The following CSMD1 variants were observed in gnomAD, a reference collection of about 807,000 sequenced individuals.
CSMD1 encodes the protein CUB and Sushi multiple domains 1.
In CSMD1, 213 loss-of-function variants were observed where a neutral mutation model predicts 417.5. That is an observed-to-expected ratio of 0.51 (90% CI 0.46 to 0.57). CSMD1 has a LOEUF of 0.57. Among genes scored for constraint, CSMD1 ranks in the 20% least tolerant of loss-of-function variants. The pLI is 0.00. For missense variants in CSMD1, 6,923 were observed against 4,529.7 expected (o/e 1.53, Z -15.17); for synonymous variants, 2,862 against 1,736.8 (o/e 1.65, Z -16.11).
At chr8:4,524,680 C>G (rs974321156) in intron 2 of CSMD1, among the ~76,000 whole-genome samples, 2 of 148,414 alleles carry the variant, frequency 1.3e-5, no homozygotes, top group African/African-American at 2.5e-5. Flanking sequence ...TCTCCTTAGA[C>G]AATAAATACG....
chr8:3,977,859 A>C lies in CSMD1; in HGVS notation c.818+20044T>G, dbSNP rs914000729. ...AAGTCACAAGAAATAACTAAGGAAA[A>C]TAGGCTGAGAATAAATTTAATAAAC... On this transcript the variant is annotated intron_variant, in intron 5 of 69. Transcript: ENST00000635120. 2.6e-5 allele frequency among the ~76,000 whole-genome samples: 4 copies of C among 152,228 alleles called. No homozygotes were observed. The East Asian group carries it at 7.7e-4, about 29-fold the overall frequency.
chr8:3,546,506 A>T (rs1159131880), intron 10 of CSMD1, among the ~76,000 whole-genome samples: 1 of 151,904 alleles, frequency 6.6e-6, no homozygotes. Context: ...ACCGCACTCC[A>T]GCCTGGTGAC....
chr8:4,457,246 T>C (rs1799543916), intron 2 of CSMD1, among the ~76,000 whole-genome samples: 2 of 152,132 alleles, frequency 1.3e-5, no homozygotes, highest in Non-Finnish European at 2.9e-5. Flanking sequence ...CTCAACCAAG[T>C]GGTTTTACCT....
intron 3 of CSMD1, among the ~76,000 whole-genome samples, chr8:4,256,414 A>C (rs184260180): frequency 4.6e-5 from 7 of 152,322 alleles, no homozygotes; most frequent in East Asian, 1.9e-4. Flanking sequence ...TTCTCCTCTG[A>C]AAATAGCACA....
chr8:3,490,592 C>G lies in CSMD1; in HGVS notation c.1448+3031G>C, dbSNP rs544214171. On this transcript the variant is annotated intron_variant, in intron 11 of 69. Coordinates refer to ENST00000635120, the MANE Select transcript of CSMD1 (RefSeq NM_033225.6). ...TGCATTATTTCATTTTTCTATTTCCCACAGGCTGGAAAAGTTTATTATACA... is the reference window on the plus strand; with the variant it reads ...TGCATTATTTCATTTTTCTATTTCCGACAGGCTGGAAAAGTTTATTATACA... Among the ~76,000 whole-genome samples, 157 of 152,128 alleles carry G rather than the reference C, an allele frequency of 1.0e-3. 1 individual carries two copies. Among genetic ancestry groups the G allele is most frequent in the African/African-American group, 3.4e-3 (143 of 41,504 alleles).
At chr8:3,688,122 C>G (rs751324890) in intron 7 of CSMD1, among the ~76,000 whole-genome samples, 2 of 152,150 alleles carry the variant, frequency 1.3e-5, no homozygotes, top group Non-Finnish European at 2.9e-5. Flanking sequence ...TTATCTGCTT[C>G]GAAGTAATTG....
intron 5 of CSMD1, among the ~76,000 whole-genome samples, chr8:3,945,228 T>A (rs916508003): frequency 5.3e-5 from 8 of 151,364 alleles, no homozygotes; most frequent in Non-Finnish European, 1.0e-4. Flanking sequence ...TGGAAAATTG[T>A]CTTTAGACGT....
chr8:3,668,696 T>C (rs1341988932), intron 7 of CSMD1, among the ~76,000 whole-genome samples: 2 of 152,068 alleles, frequency 1.3e-5, no homozygotes, highest in East Asian at 1.9e-4. Context: ...GGAGTCGAAG[T>C]CTAGACACAG....
At chr8:3,960,471 T>C (rs1226930251) in intron 5 of CSMD1, among the ~76,000 whole-genome samples, 1 of 152,204 alleles carries the variant, frequency 6.6e-6, no homozygotes, top group Non-Finnish European at 1.5e-5. Context: ...GCGAATATTA[T>C]TTATGCCTTT....
chr8:4,970,477 C>A (rs745491821), intron 1 of CSMD1, among the ~76,000 whole-genome samples: 4 of 152,032 alleles, frequency 2.6e-5, no homozygotes, highest in Admixed American at 6.6e-5. Flanking sequence ...TTTATGAGCT[C>A]CATTATAACC....
intron 7 of CSMD1, among the ~76,000 whole-genome samples, chr8:3,697,634 C>T (rs1800627273): frequency 6.6e-6 from 1 of 152,058 alleles, no homozygotes; most frequent in Non-Finnish European, 1.5e-5. Context: ...ATTGTTTTGA[C>T]TCTGTGGGCG....
At chr8:3,151,595 T>C (rs371043017) in intron 39 of CSMD1, 82 bp from the exon 40 acceptor site, 96 of 845,638 alleles carry the variant, frequency 1.1e-4, no homozygotes, top group African/African-American at 9.4e-4. Context: ...CACTCAACTA[T>C]GCTGAGAAAG....
chr8:4,462,613 T>C, intron 2 of CSMD1, among the ~76,000 whole-genome samples: 1 of 152,204 alleles, frequency 6.6e-6, no homozygotes, highest in East Asian at 1.9e-4. Context: ...GCATTGATCA[T>C]GATTCCATTA....
chr8:3,334,656 T>C (rs1807130996), intron 23 of CSMD1, among the ~76,000 whole-genome samples: 1 of 152,250 alleles, frequency 6.6e-6, no homozygotes, highest in Non-Finnish European at 1.5e-5. Context: ...CTTCACCTTT[T>C]ACTTATTGTG....
At chr8:4,061,780 G>C (rs892594118) in intron 3 of CSMD1, among the ~76,000 whole-genome samples, 4 of 152,174 alleles carry the variant, frequency 2.6e-5, no homozygotes, top group Non-Finnish European at 4.4e-5. Context: ...CTAAAAAGGA[G>C]TTCTCCATTT....
chr8:4,122,938 G>C (rs772649640), intron 3 of CSMD1, among the ~76,000 whole-genome samples: 3 of 152,200 alleles, frequency 2.0e-5, no homozygotes, highest in East Asian at 1.9e-4. Flanking sequence ...TTAAATTCTA[G>C]GCTACTGCAA....
chr8:3,725,088 A>G (rs2129045749), intron 6 of CSMD1, among the ~76,000 whole-genome samples: 1 of 152,298 alleles, frequency 6.6e-6, no homozygotes, highest in East Asian at 1.9e-4. Context: ...GGCCCTCAGC[A>G]TAGCGGTTTG....
intron 3 of CSMD1, among the ~76,000 whole-genome samples, chr8:4,319,236 G>A (rs1008912162): frequency 2.0e-5 from 3 of 152,118 alleles, no homozygotes; most frequent in Non-Finnish European, 2.9e-5. Context: ...AATCCTGACA[G>A]TCATTTTTCC....
chr8:4,214,896 A>G (rs1198356356), intron 3 of CSMD1, among the ~76,000 whole-genome samples: 1 of 152,154 alleles, frequency 6.6e-6, no homozygotes, highest in Non-Finnish European at 1.5e-5. Context: ...ATTCTTTTTT[A>G]AGTTTTACAA....
Sources: allele counts gnomAD v4.1 joint callset (sites outside exome capture counted in the v4.1 genomes callset), GRCh38; gene constraint gnomAD v4.1.1; transcripts MANE v1.5; gene names NCBI Gene and HGNC (gene_info 2026-07-23, HGNC 2026-07-21).